The following TNC variants were observed in gnomAD, a reference collection of about 807,000 sequenced individuals.
TNC encodes the protein tenascin C, also known as tenascin.
A neutral mutation model predicts 202.4 loss-of-function variants in TNC; 109 were observed. That is an observed-to-expected ratio of 0.54 (90% CI 0.46 to 0.63). The LOEUF (loss-of-function observed/expected upper bound fraction) is 0.63, where lower values mean the gene tolerates loss of function less well. TNC is among the 30% of genes least tolerant of loss of function. TNC has a pLI of 0.00. For missense variants in TNC, 2,756 were observed against 2,833.3 expected (o/e 0.97, Z 0.62); for synonymous variants, 1,007 against 1,089.7 (o/e 0.92, Z 1.50).
chr9:115,070,043 C>T (rs1017399170), intron 10 of TNC, among the ~76,000 whole-genome samples: 1 of 151,970 alleles, frequency 6.6e-6, no homozygotes, highest in African/African-American at 2.4e-5. Context: ...ATACCACATA[C>T]TTGTCTGCCT....
chr9:115,111,793 A>T (rs368359714), intron 1 of TNC, among the ~76,000 whole-genome samples: 73 of 152,152 alleles, frequency 4.8e-4, no homozygotes, highest in African/African-American at 1.7e-3. Flanking sequence ...GTAGCCTTGG[A>T]CCAACAGCTT....
chr9:115,111,017 C>G (rs1837002783), intron 1 of TNC, among the ~76,000 whole-genome samples: 1 of 151,722 alleles, frequency 6.6e-6, no homozygotes, highest in African/African-American at 2.4e-5. Flanking sequence ...GTAGCTGGGA[C>G]TACAGGTGCC....
At chr9:115,066,061 T>C (rs1832927114) in intron 10 of TNC, among the ~76,000 whole-genome samples, 1 of 152,140 alleles carries the variant, frequency 6.6e-6, no homozygotes, top group Non-Finnish European at 1.5e-5. Flanking sequence ...ATTGACACAG[T>C]ATTATTAAGG....
chr9:115,057,996 T>C (rs1339583357), intron 14 of TNC, among the ~76,000 whole-genome samples: 1 of 152,240 alleles, frequency 6.6e-6, no homozygotes, highest in Non-Finnish European at 1.5e-5. Context: ...GTGTAATTCT[T>C]GGTATTTTTT....
intron 25 of TNC, among the ~76,000 whole-genome samples, chr9:115,027,376 G>T (rs1829587044): frequency 6.6e-6 from 1 of 151,932 alleles, no homozygotes; most frequent in Non-Finnish European, 1.5e-5. Context: ...GATCATCTGA[G>T]GTCAGGAGTT....
intron 13 of TNC, among the ~76,000 whole-genome samples, chr9:115,060,716 G>A (rs1224970725): frequency 6.6e-6 from 1 of 152,318 alleles, no homozygotes; most frequent in Admixed American, 6.5e-5. Flanking sequence ...TTGATAAAGT[G>A]TATGCTGTCT....
Position 115,086,231 on chromosome 9 carries a change from T to C in TNC, c.1500A>G (p.Gln500=), listed in dbSNP as rs145244970. The C allele has an allele frequency of 1.1e-4, 180 of 1,614,064 alleles. No individual in the cohort carries two copies. Among genetic ancestry groups the C allele is most frequent in the Middle Eastern group, 3.3e-4 (2 of 6,084 alleles). Residue 500 remains glutamine, a synonymous_variant, in exon 3 of 28, where the codon CAA becomes CAG. Coordinates refer to ENST00000350763, the MANE Select transcript of TNC (RefSeq NM_002160.4). ...CCCTGTTGCTGCAGTCCCTGGGGCA[T>C]TGGCGATCCCGGCAGTCTTCCCCTG... is the stretch of plus-strand genomic sequence containing the variant. The part of the protein sequence containing the change: ...GYTGEDCRDR[Q]CPRDCSNRGL...
At chr9:115,040,166 C>G (rs1830622131) in intron 19 of TNC, among the ~76,000 whole-genome samples, 1 of 152,202 alleles carries the variant, frequency 6.6e-6, no homozygotes, top group African/African-American at 2.4e-5. Flanking sequence ...GAAAGGAACT[C>G]TTTATTTTAG....
In TNC at chr9:115,031,598, T is replaced by C; in HGVS notation, c.5875A>G (p.Asn1959Asp). The C allele has an allele frequency of 1.2e-6, 2 of 1,610,314 alleles. No individual in the cohort carries two copies. Among genetic ancestry groups the C allele is most frequent in the Non-Finnish European group, 1.7e-6 (2 of 1,178,254 alleles). ...ATCATATTGCTCCTCAGGGGCCCAT[T>C]GAGTGCCTGGATCTTGGCTGTGTAG... The part of the protein sequence containing the change: ...THYTAKIQAL[N>D]GPLRSNMIQT... Residue 1959 changes from asparagine to aspartate, a missense_variant, in exon 23 of 28, where the codon AAT becomes GAT. Coordinates refer to ENST00000350763, the MANE Select transcript of TNC (RefSeq NM_002160.4).
intron 16 of TNC, among the ~76,000 whole-genome samples, chr9:115,047,343 G>T (rs1588053973): frequency 6.6e-6 from 1 of 150,414 alleles, no homozygotes; most frequent in East Asian, 2.0e-4. Context: ...TACATACTGT[G>T]GACCCAGGGT....
Position 115,084,320 on chromosome 9 carries a change from G to A in TNC, c.2020C>T (p.Gln674Ter), listed in dbSNP as rs1477392330. ...AGCTCCTGGATGATGGTGGACGTCT[G>A]GTCCCCAGGCACACGGAACTGCATT... ...LEMQFRVPGD[Q>*]TSTIIQELEP... The change falls in exon 4 of 28, where the codon CAG (glutamine) becomes TAG (stop). Residue 674 changes from glutamine to a stop codon, truncating the protein, a stop_gained. Transcript: ENST00000350763. LOFTEE classifies it high-confidence loss of function. The A allele has an allele frequency of 6.2e-7, 1 of 1,614,154 alleles. No individual in the cohort carries two copies.
rs777534904 is a variant in TNC at position 115,031,597 on chromosome 9, T to C, written c.5876A>G (p.Asn1959Ser). The C allele has an allele frequency of 8.1e-6, 13 of 1,610,086 alleles. No individual in the cohort carries two copies. Among genetic ancestry groups the C allele is most frequent in the African/African-American group, 1.3e-5 (1 of 74,780 alleles). ...GATCATATTGCTCCTCAGGGGCCCA[T>C]TGAGTGCCTGGATCTTGGCTGTGTA... ...THYTAKIQAL[N>S]GPLRSNMIQT... Residue 1959 changes from asparagine to serine, a missense_variant, in exon 23 of 28, where the codon AAT becomes AGT. Around this residue, in one of 2 missense-constraint regions of TNC, gnomAD observed 2,559 missense variants for 2,546.0 expected, o/e 1.01. Transcript: ENST00000350763.
intron 13 of TNC, among the ~76,000 whole-genome samples, chr9:115,062,261 C>CAGGAAAGTAGGGTT (rs1248551321): frequency 6.6e-6 from 1 of 152,062 alleles, no homozygotes; most frequent in Non-Finnish European, 1.5e-5. Context: ...AAGTAGGGTT[C>CAGGAAAGTAGGGTT]ATTGCTGATT....
intron 22 of TNC, among the ~76,000 whole-genome samples, chr9:115,033,564 C>T (rs563942276): frequency 6.6e-6 from 1 of 152,322 alleles, no homozygotes; most frequent in African/African-American, 2.4e-5. Context: ...GATGGGAACA[C>T]TGACACCCAG....
chr9:115,042,371 A>G (rs1830830545), intron 17 of TNC, 30 bp from the exon 18 acceptor site: 1 of 1,611,956 alleles, frequency 6.2e-7, no homozygotes, highest in Admixed American at 1.7e-5. Flanking sequence ...AGAGAAGCCC[A>G]GAAACAGTTA....
At chr9:115,076,290 T>C (rs750385495) in intron 8 of TNC, 100 bp downstream of exon 8, 222 of 1,472,866 alleles carry the variant, frequency 1.5e-4, no homozygotes, top group Non-Finnish European at 2.0e-4. Flanking sequence ...ATTGGACTTA[T>C]TTCTGAGGGT....
At chr9:115,063,659 G>T in intron 12 of TNC, 137 bp downstream of exon 12, 1 of 991,810 alleles carries the variant, frequency 1.0e-6, no homozygotes, top group Non-Finnish European at 1.5e-6. Flanking sequence ...GTGACATTTA[G>T]GAAGAAGCAG....
At chr9:115,037,554 G>T (rs1830425933) in intron 20 of TNC, among the ~76,000 whole-genome samples, 1 of 152,022 alleles carries the variant, frequency 6.6e-6, no homozygotes, top group African/African-American at 2.4e-5. Flanking sequence ...TTGAGACAGA[G>T]CCTCCCTCTC....
intron 20 of TNC, among the ~76,000 whole-genome samples, chr9:115,036,581 C>T (rs1830352142): frequency 6.6e-6 from 1 of 152,078 alleles, no homozygotes; most frequent in Non-Finnish European, 1.5e-5. Context: ...CATCCCCAAG[C>T]CTGCTGCCCA....
Sources: gnomAD v4.1 joint callset for allele counts (sites outside exome capture counted in the v4.1 genomes callset) on GRCh38, gnomAD v4.1.1 for gene constraint, gnomAD v4.1.1 regional missense constraint, MANE v1.5 for transcripts, NCBI Gene and HGNC (gene_info 2026-07-23, HGNC 2026-07-21) for gene names.